The following SIRPB2 variants were observed in gnomAD, a reference collection of about 807,000 sequenced individuals.
SIRPB2 encodes signal-regulatory protein beta-2.
A neutral mutation model predicts 27.1 loss-of-function variants in SIRPB2; 18 were observed. The observed-to-expected ratio is 0.66, with a 90% CI of 0.46 to 0.98. SIRPB2 has a LOEUF of 0.98. Ranked by LOEUF, SIRPB2 falls within the 50% of genes least tolerant of loss-of-function variation. SIRPB2 has a pLI of 0.00. For missense variants in SIRPB2, 420 were observed against 417.4 expected, an observed-to-expected ratio of 1.01 and a Z score of -0.06; for synonymous variants, 150 against 164.6, an observed-to-expected ratio of 0.91 and a Z score of 0.68.
downstream of SIRPB2, among the ~76,000 whole-genome samples, chr20:1,473,481 C>T (rs113049598): frequency 3.9e-5 from 6 of 152,196 alleles, no homozygotes; most frequent in East Asian, 3.9e-4. Flanking sequence ...CATGCATGTG[C>T]GCTCACACAC....
At chr20:1,481,348 C>T (rs999954326) in intron 1 of SIRPB2, among the ~76,000 whole-genome samples, 5 of 152,000 alleles carry the variant, frequency 3.3e-5, no homozygotes, top group African/African-American at 7.2e-5. Context: ...AGAAAGAAAA[C>T]GAATGCTCAC....
intron 4 of SIRPB2, 23 bp downstream of exon 4, chr20:1,477,315 T>C (rs1277524322): frequency 6.2e-7 from 1 of 1,614,234 alleles, no homozygotes; most frequent in Non-Finnish European, 8.5e-7. Flanking sequence ...ACTCATTGAC[T>C]CCACTGAGGT....
intron 3 of SIRPB2, 29 bp from the exon 4 acceptor site, chr20:1,477,432 T>C (rs1453928742): frequency 1.3e-6 from 2 of 1,589,920 alleles, no homozygotes; most frequent in South Asian, 2.3e-5. Context: ...TTGTCATACT[T>C]CCCTTTATCT....
chr20:1,470,848 C>T (rs1039380956), downstream of SIRPB2: 1 of 152,174 alleles, frequency 6.6e-6, no homozygotes, highest in Non-Finnish European at 1.5e-5. Flanking sequence ...TTGTAAGTGA[C>T]GCTCCCTCAT....
intron 1 of SIRPB2, among the ~76,000 whole-genome samples, chr20:1,487,852 G>GT (rs2090741400): frequency 6.6e-6 from 1 of 152,138 alleles, no homozygotes; most frequent in South Asian, 2.1e-4. Flanking sequence ...AGAATGGGGA[G>GT]TTTTTTCAAC....
intron 4 of SIRPB2, chr20:1,477,043 C>T (rs2090612275): frequency 2.2e-6 from 3 of 1,360,182 alleles, no homozygotes; most frequent in Non-Finnish European, 2.9e-6. Flanking sequence ...TGTCGCTGTG[C>T]ATAGCCTCAC....
At chr20:1,487,303 A>C (rs2090735995) in intron 1 of SIRPB2, among the ~76,000 whole-genome samples, 1 of 152,230 alleles carries the variant, frequency 6.6e-6, no homozygotes, top group Non-Finnish European at 1.5e-5. Context: ...AAAAAAAATC[A>C]AGCCTAAATA....
At chr20:1,473,976 G>A (rs2122999021), downstream of SIRPB2, 2 of 418,872 alleles carry the variant, frequency 4.8e-6, no homozygotes, top group Non-Finnish European at 9.7e-6. Context: ...GCTCCAGGGG[G>A]AGAATTTCTT....
Position 1,476,037 on chromosome 20 carries a change from C to G in SIRPB2, c.*130G>C. ...GGAATTTCACTAGGTGGACCAAAAC[C>G]AGATGTAGGGATCTAGGAGTTTGTC... On this transcript the variant is annotated 3_prime_UTR_variant, in exon 5 of 5. Transcript: ENST00000359801. 9.7e-7 allele frequency: 1 copy of G among 1,033,382 alleles called. No individual in the cohort carries two copies. Among genetic ancestry groups the G allele is most frequent in the Middle Eastern group, 2.2e-4 (1 of 4,448 alleles). 64.0% of individuals were successfully genotyped at this position (1,033,382 alleles called of 1,614,324 possible).
intron 1 of SIRPB2, among the ~76,000 whole-genome samples, chr20:1,489,780 C>CT (rs142953485): frequency 0.011 from 1,623 of 152,228 alleles, 33 homozygotes; most frequent in African/African-American, 0.038. Context: ...ATATTTTTCT[C>CT]GGGGCTGCTG....
intron 1 of SIRPB2, among the ~76,000 whole-genome samples, chr20:1,487,573 A>G (rs368054184): frequency 6.6e-6 from 1 of 152,256 alleles, no homozygotes; most frequent in African/African-American, 2.4e-5. Flanking sequence ...TTGCACAAAG[A>G]TAGATAAACA....
Position 1,476,044 on chromosome 20 carries a change from A to G in SIRPB2, c.*123T>C. 1 of 1,077,008 alleles carries G rather than the reference A, an allele frequency of 9.3e-7. No homozygotes were observed. Among genetic ancestry groups the G allele is most frequent in the Non-Finnish European group, 1.4e-6 (1 of 737,962 alleles). 66.7% of individuals were successfully genotyped at this position (1,077,008 alleles called of 1,614,324 possible). ...CACTAGGTGGACCAAAACCAGATGT[A>G]GGGATCTAGGAGTTTGTCATGAGGC... On this transcript the variant is annotated 3_prime_UTR_variant, in exon 5 of 5. Transcript: ENST00000359801.
chr20:1,476,357 C>T, intron 4 of SIRPB2, 21 bp from the exon 5 acceptor site: 1 of 1,603,242 alleles, frequency 6.2e-7, no homozygotes, highest in Non-Finnish European at 8.5e-7. Context: ...CAGGAGAGAG[C>T]TCAGGCGGGA....
At chr20:1,472,790 A>G (rs953398959), downstream of SIRPB2, 2 of 152,162 alleles carry the variant, frequency 1.3e-5, no homozygotes, top group Non-Finnish European at 2.9e-5. Context: ...CATCTCTGCC[A>G]TGTATGTAGT....
chr20:1,485,826 T>A (rs2090720602), intron 1 of SIRPB2, among the ~76,000 whole-genome samples: 1 of 152,066 alleles, frequency 6.6e-6, no homozygotes, highest in Non-Finnish European at 1.5e-5. Flanking sequence ...TTTACTCTTA[T>A]TAATAGAATA....
intron 1 of SIRPB2, among the ~76,000 whole-genome samples, chr20:1,486,543 T>C (rs1005373613): frequency 1.1e-4 from 16 of 152,140 alleles, no homozygotes; most frequent in Non-Finnish European, 8.8e-5. Flanking sequence ...TGAACATAGA[T>C]AAAAAATTTT....
At position 1,476,183 on chromosome 20, in the gene SIRPB2, C is replaced by G. The variant is rs751658347; in HGVS notation, c.1013G>C (p.Ser338Thr). 6.2e-7 allele frequency: 1 copy of G among 1,613,976 alleles called. No individual in the cohort carries two copies. ...GCTGACCCCTCACTCTTGACCCTTG[C>G]TCCATGCTAAGGTGTTCATGGCTCC... ...PAGAMNTLAW[S>T]KGQE Residue 338 changes from serine to threonine, a missense_variant, in exon 5 of 5, where the codon AGC (serine) becomes ACC (threonine). By Grantham distance (58) the Ser-to-Thr change is moderately conservative. Transcript: ENST00000359801.
At chr20:1,480,430 T>C (rs2090659583) in intron 1 of SIRPB2, 1 of 210,042 alleles carries the variant, frequency 4.8e-6, no homozygotes, top group South Asian at 9.6e-5. Flanking sequence ...GATCATCGGC[T>C]AGGATTGTGT....
intron 1 of SIRPB2, among the ~76,000 whole-genome samples, chr20:1,484,649 T>A (rs776032260): frequency 2.4e-4 from 36 of 151,552 alleles, no homozygotes; most frequent in Non-Finnish European, 4.1e-4. Context: ...CACAATGAGA[T>A]ATCATCTTAC....
Sources: allele counts gnomAD v4.1 joint callset (sites outside exome capture counted in the v4.1 genomes callset), GRCh38; gene constraint gnomAD v4.1.1; transcripts MANE v1.5; gene names NCBI Gene and HGNC (gene_info 2026-07-23, HGNC 2026-07-21).